Variants in ZNF343 observed in about 807,000 individuals in gnomAD.
The protein encoded by ZNF343 is zinc finger protein 343.
In ZNF343, 11 loss-of-function variants were observed where a neutral mutation model predicts 13.8. The ratio of observed to expected loss-of-function variants is 0.80; its 90% CI spans 0.50 to 1.32. The LOEUF (loss-of-function observed/expected upper bound fraction) is 1.32, where lower values mean the gene tolerates loss of function less well. Among genes scored for constraint, ZNF343 ranks in the 40% most tolerant of loss-of-function variants. The pLI is 0.00. For missense variants in ZNF343, 658 were observed against 714.2 expected, an observed-to-expected ratio of 0.92 and a Z score of 0.90; for synonymous variants, 248 against 260.0, an observed-to-expected ratio of 0.95 and a Z score of 0.44.
intron 1 of ZNF343, among the ~76,000 whole-genome samples, chr20:2,502,149 A>C (rs1161049117): frequency 6.6e-6 from 1 of 152,270 alleles, no homozygotes; most frequent in Non-Finnish European, 1.5e-5. Flanking sequence ...CCATGGCACG[A>C]GAACTACGTG....
chr20:2,492,775 C>T lies in ZNF343; in HGVS notation c.228G>A (p.Trp76Ter), dbSNP rs1170065123. ...DVTVIFTEAE[W>*]KRLSPEQRNL... is the part of the protein sequence containing the mutation. ...TCCTCTGCTCTGGACTCAGTCTCTT[C>T]CATTCTGCTTCTGTGAAGATCACAG... is the stretch of plus-strand genomic sequence containing the variant. Residue 76 changes from tryptophan (W) to a stop codon, truncating the protein, a stop_gained, in exon 5 of 6, where the codon TGG (tryptophan) becomes TGA (stop). Transcript: ENST00000278772. LOFTEE classifies it high-confidence loss of function. 1.9e-6 allele frequency: 3 copies of T among 1,613,640 alleles called. No homozygotes were observed. Among genetic ancestry groups the T allele is most frequent in the African/African-American group, 2.7e-5 (2 of 74,920 alleles).
chr20:2,514,652 T>A (rs747548985), intron 1 of ZNF343, among the ~76,000 whole-genome samples: 5 of 152,230 alleles, frequency 3.3e-5, no homozygotes, highest in South Asian at 2.1e-4. Context: ...TTTTAAAAAA[T>A]TTTTGTAAGA....
chr20:2,519,903 G>A lies in ZNF343; in HGVS notation c.-347+4552C>T, dbSNP rs1472294897. Among the ~76,000 whole-genome samples, 4 of 152,186 alleles carry A rather than the reference G, an allele frequency of 2.6e-5. No homozygotes were observed. In the South Asian group the frequency reaches 6.2e-4, roughly 24 times the overall value. ...CTAGGTTCATCCTAATTTGTTGTAAGTCACAAAAAAATAAGGAAATTTAGA... is the reference window on the plus strand; with the variant it reads ...CTAGGTTCATCCTAATTTGTTGTAAATCACAAAAAAATAAGGAAATTTAGA... On this transcript the variant is annotated intron_variant, in intron 1 of 6. Transcript: ENST00000358413.
At chr20:2,503,848 G>C (rs1315574579) in intron 1 of ZNF343, among the ~76,000 whole-genome samples, 1 of 151,978 alleles carries the variant, frequency 6.6e-6, no homozygotes, top group Non-Finnish European at 1.5e-5. Context: ...ATGCCCACAA[G>C]AGAAAGCAGG....
In ZNF343 at chr20:2,497,090, A is replaced by AAT. The variant is rs143342516; in HGVS notation, c.-149-3047_-149-3046insAT. On this transcript the variant is annotated intron_variant, in intron 2 of 5. Transcript: ENST00000278772. Reference sequence around the variant, plus strand: ...AGCAAAACTCTGTCTAAAAAAAAAAATTTTACCATCAACAGGTGTGAGGAA... The same window carrying AAT: ...AGCAAAACTCTGTCTAAAAAAAAAAAATTTTTACCATCAACAGGTGTGAGGAA... 1.1e-3 allele frequency among the ~76,000 whole-genome samples: 169 copies of AAT among 151,896 alleles called. 3 individuals carry two copies. The highest frequency in any genetic ancestry group is 9.8e-3 in the Admixed American group (149 of 15,266).
At chr20:2,511,117 C>CTTT (rs111424405), upstream of ZNF343, among the ~76,000 whole-genome samples, 27 of 142,932 alleles carry the variant, frequency 1.9e-4, no homozygotes, top group African/African-American at 6.9e-4. Flanking sequence ...CTTTTCCTTT[C>CTTT]TTTTTTTTTT....
intron 5 of ZNF343, 136 bp downstream of exon 5, chr20:2,492,563 A>G (rs777284536): frequency 1.5e-5 from 14 of 963,750 alleles, no homozygotes; most frequent in Non-Finnish European, 2.0e-5. Flanking sequence ...CTAGAAAGTA[A>G]GCCCCATGGA....
At position 2,483,514 on chromosome 20, in the gene ZNF343, G is replaced by GTTTTCTGA. The variant is rs764822944; in HGVS notation, c.1446_1447insTCAGAAAA (p.His483SerfsTer131). ...TTCTCCCCTGAGTGTGTCCTCTGGTGGACAAGGAGGAGTGATTTCCGACTA... is the reference window on the plus strand; with the variant it reads ...TTCTCCCCTGAGTGTGTCCTCTGGTGTTTTCTGAGACAAGGAGGAGTGATTTCCGACTA... On this transcript the variant is annotated frameshift_variant, in exon 6 of 6. Transcript: ENST00000278772. LOFTEE classifies it low-confidence loss of function (END_TRUNC). 6.2e-7 allele frequency: 1 copy of GTTTTCTGA among 1,612,654 alleles called. No homozygotes were observed. Among genetic ancestry groups the GTTTTCTGA allele is most frequent in the African/African-American group, 1.3e-5 (1 of 74,526 alleles).
chr20:2,497,722 C>G (rs2085483766), intron 2 of ZNF343, among the ~76,000 whole-genome samples: 1 of 152,170 alleles, frequency 6.6e-6, no homozygotes, highest in African/African-American at 2.4e-5. Context: ...GGGGTAATAG[C>G]TGAAGGGAGA....
intron 1 of ZNF343, among the ~76,000 whole-genome samples, chr20:2,507,030 C>T (rs1330504607): frequency 6.6e-6 from 1 of 151,816 alleles, no homozygotes; most frequent in African/African-American, 2.4e-5. Context: ...TTGGGAGGCC[C>T]GGGGCAGGCA....
Position 2,506,087 on chromosome 20 carries a change from C to A in ZNF343, c.-237+2794G>T, listed in dbSNP as rs1384789148. The stretch of plus-strand genomic sequence containing the variant: ...ATCCAGAATCTACAATGAACTCCAA[C>A]AAATTTACAAGAAAAAAACAAACAA... On this transcript the variant is annotated intron_variant, in intron 1 of 5. Transcript: ENST00000278772. Among the ~76,000 whole-genome samples, 4 of 152,082 alleles carry A rather than the reference C, an allele frequency of 2.6e-5. No homozygotes were observed. In the East Asian group the frequency reaches 5.8e-4, roughly 22 times the overall value.
At chr20:2,524,254 T>A (rs1023659951) in intron 1 of ZNF343, among the ~76,000 whole-genome samples, 2 of 151,918 alleles carry the variant, frequency 1.3e-5, no homozygotes, top group African/African-American at 4.8e-5. Flanking sequence ...GAGGCTGCAG[T>A]GAGGCATGAT....
rs1419889340 is a variant in ZNF343 at position 2,483,803 on chromosome 20, A to G, written c.1158T>C (p.Cys386=). ...SGEKPYVCLE[C]GRSFCDKSTL... ...TTGACTTATCACAAAAGCTTCGTCC[A>G]CACTCCAGGCACACATAGGGTTTCT... Residue 386 remains cysteine (C), a synonymous_variant, in exon 6 of 6, where the codon TGT becomes TGC. Transcript: ENST00000278772. 1.2e-6 allele frequency: 2 copies of G among 1,613,594 alleles called. No homozygotes were observed. Among genetic ancestry groups the G allele is most frequent in the East Asian group, 2.2e-5 (1 of 44,860 alleles).
At chr20:2,492,541 T>G (rs970843855) in intron 5 of ZNF343, among the ~76,000 whole-genome samples, 158 bp downstream of exon 5, 2 of 152,242 alleles carry the variant, frequency 1.3e-5, no homozygotes, top group Non-Finnish European at 2.9e-5. Context: ...GTTTGTTGTC[T>G]GTCTCCTTAC....
At position 2,518,472 on chromosome 20, in the gene ZNF343, T is replaced by C. The variant is rs2085769134; in HGVS notation, c.-347+5983A>G. ...AATTCTGAAGCCAACATAGAATCAC[T>C]AACTGTTGTCAAATAATCTTTTGTA... is the stretch of plus-strand genomic sequence containing the variant. On this transcript the variant is annotated intron_variant, in intron 1 of 6. Coordinates refer to the ZNF343 transcript ENST00000358413. The surrounding 1 kb of genome is among the most constrained non-coding windows in gnomAD (Gnocchi z 4.6). Among the ~76,000 whole-genome samples the C allele has an allele frequency of 6.6e-6, 1 of 152,218 alleles. No individual in the cohort carries two copies. Among genetic ancestry groups the C allele is most frequent in the Non-Finnish European group, 1.5e-5 (1 of 68,030 alleles).
chr20:2,483,750 G>C lies in ZNF343; in HGVS notation c.1211C>G (p.Ser404Ter), dbSNP rs773320253. Residue 404 changes from serine (S) to a stop codon, truncating the protein, a stop_gained, in exon 6 of 6, where the codon TCA becomes TGA. Coordinates refer to ENST00000278772, the MANE Select transcript of ZNF343 (RefSeq NM_024325.6). LOFTEE classifies it low-confidence loss of function (END_TRUNC). ...STLRKHQRIHSGEKPYVCREC... is the reference protein window; with the variant it reads ...STLRKHQRIH ...CCTGCAAACATAAGGCTTCTCCCCT[G>C]AGTGTATCCTCTGGTGTTTTCTGAG... is the stretch of plus-strand genomic sequence containing the variant. The C allele has an allele frequency of 6.2e-7, 1 of 1,613,644 alleles. No homozygotes were observed.
Position 2,484,595 on chromosome 20 carries a change from C to A in ZNF343, c.366G>T (p.Gln122His), listed in dbSNP as rs1407533277. Residue 122 changes from glutamine (Q) to histidine (H), a missense_variant, in exon 6 of 6, where the codon CAG (glutamine) becomes CAT (histidine). Gln to His is a conservative substitution (Grantham distance 24). Coordinates refer to ENST00000278772, the MANE Select transcript of ZNF343 (RefSeq NM_024325.6). ...SSCLLAFSCQ[Q>H]FLSQHVLQIF... Reference sequence around the variant, plus strand: ...TCTGAAGTACATGTTGACTGAGGAACTGCTGACAGGAGAAGGCCAGAAGGC... The same window carrying A: ...TCTGAAGTACATGTTGACTGAGGAAATGCTGACAGGAGAAGGCCAGAAGGC... The A allele has an allele frequency of 6.2e-7, 1 of 1,613,696 alleles. No individual in the cohort carries two copies. The highest frequency in any genetic ancestry group is 1.7e-5 in the Admixed American group (1 of 59,964).
chr20:2,491,528 T>C (rs1316832299), intron 5 of ZNF343, among the ~76,000 whole-genome samples: 1 of 152,212 alleles, frequency 6.6e-6, no homozygotes, highest in African/African-American at 2.4e-5. Context: ...TCTGTTTTTG[T>C]ATCACCTACA....
chr20:2,492,350 T>G (rs2085379330), intron 5 of ZNF343, among the ~76,000 whole-genome samples: 1 of 152,200 alleles, frequency 6.6e-6, no homozygotes, highest in Non-Finnish European at 1.5e-5. Flanking sequence ...CCTCACCACA[T>G]TATGTCTTTA....
Sources: allele counts gnomAD v4.1 joint callset (sites outside exome capture counted in the v4.1 genomes callset), GRCh38; gene constraint gnomAD v4.1.1; non-coding constraint Gnocchi (gnomAD v3.1); transcripts MANE v1.5; gene names NCBI Gene and HGNC (gene_info 2026-07-23, HGNC 2026-07-21).